CDH2: variants seen among roughly 807,000 people sequenced by gnomAD.
The protein encoded by CDH2 is cadherin-2.
In CDH2, 17 loss-of-function variants were observed where a neutral mutation model predicts 92.0. The observed-to-expected ratio is 0.18, with a 90% CI of 0.13 to 0.28. CDH2 has a LOEUF of 0.28. Ranked by LOEUF, CDH2 falls within the 10% of genes least tolerant of loss-of-function variation. The probability of loss-of-function intolerance (pLI) is 1.00; values close to 1 mark genes in which losing one functional copy is unlikely to be tolerated. For missense variants in CDH2, 862 were observed against 1,133.1 expected (o/e 0.76, Z 3.44); for synonymous variants, 419 against 415.9 (o/e 1.01, Z -0.09).
intron 1 of CDH2, chr18:28,159,077 A>C (rs2016265892): frequency 1.3e-5 from 2 of 152,212 alleles, no homozygotes; most frequent in African/African-American, 4.8e-5. Flanking sequence ...TTTTTTAAGC[A>C]TGTAAAAGAG....
At chr18:28,043,466 AT>A (rs2013993856) in intron 2 of CDH2, among the ~76,000 whole-genome samples, 9 of 82,984 alleles carry the variant, frequency 1.1e-4, no homozygotes, top group South Asian at 6.5e-4. Flanking sequence ...AAATAAATAT[AT>A]ATATATATAT....
intron 15 of CDH2, chr18:27,954,412 T>C (rs1391616329): frequency 6.6e-6 from 1 of 152,264 alleles, no homozygotes; most frequent in African/African-American, 2.4e-5. Context: ...GCTGTCTGAC[T>C]GGCTTTGGCC....
intron 1 of CDH2, among the ~76,000 whole-genome samples, 200 bp downstream of exon 1, chr18:28,176,763 T>C (rs1377756430): frequency 6.6e-6 from 1 of 151,556 alleles, no homozygotes; most frequent in African/African-American, 2.4e-5. Flanking sequence ...AGAGACCTAC[T>C]GGCCCCGGCA....
chr18:28,043,934 T>A (rs1162389155), intron 2 of CDH2, among the ~76,000 whole-genome samples: 1 of 126,372 alleles, frequency 7.9e-6, no homozygotes, highest in Non-Finnish European at 1.6e-5. Flanking sequence ...GGAGACAGAG[T>A]ACTTCTCTTG....
chr18:28,044,928 T>A (rs2014043542), intron 2 of CDH2, among the ~76,000 whole-genome samples: 1 of 152,060 alleles, frequency 6.6e-6, no homozygotes, highest in Admixed American at 6.6e-5. Context: ...AGATTCATTA[T>A]ATTTCATTAT....
At chr18:28,045,842 A>G (rs2014064239) in intron 2 of CDH2, among the ~76,000 whole-genome samples, 1 of 152,218 alleles carries the variant, frequency 6.6e-6, no homozygotes, top group South Asian at 2.1e-4. Flanking sequence ...CTGCTGAATG[A>G]ATAAAGGTAG....
chr18:28,072,064 C>T (rs550015096), intron 2 of CDH2, among the ~76,000 whole-genome samples: 1 of 152,232 alleles, frequency 6.6e-6, no homozygotes, highest in African/African-American at 2.4e-5. Flanking sequence ...CAATGTTTGA[C>T]AGAGAATCAC....
chr18:27,981,732 A>G (rs544569239), intron 14 of CDH2, among the ~76,000 whole-genome samples: 30 of 152,336 alleles, frequency 2.0e-4, no homozygotes, highest in African/African-American at 7.0e-4. Flanking sequence ...AAATATGTTC[A>G]TGAAAATTTG....
intron 1 of CDH2, among the ~76,000 whole-genome samples, chr18:28,168,286 C>G (rs1044579858): frequency 2.0e-5 from 3 of 152,092 alleles, no homozygotes; most frequent in African/African-American, 7.2e-5. Flanking sequence ...CTCAGTTACA[C>G]TACAGAATAT....
chr18:28,006,454 A>C (rs2012920344), intron 5 of CDH2, among the ~76,000 whole-genome samples: 1 of 152,146 alleles, frequency 6.6e-6, no homozygotes, highest in Admixed American at 6.5e-5. Flanking sequence ...ACGGTGGCTC[A>C]CGCCTGTAAT....
rs2012464081 is a variant in CDH2, at chr18:27,992,810, C to CTA, written c.1187_1188dup (p.Asp397Ter). ...ACAGTTAGATTAGCTACTATGATGT[C>CTA]TACCCTGTTCTCAGGAACTTCACCA... is the stretch of plus-strand genomic sequence containing the variant. On this transcript the variant is annotated frameshift_variant, in exon 9 of 16. Transcript: ENST00000269141. LOFTEE classifies it high-confidence loss of function. 1 of 1,613,558 alleles carries CTA rather than the reference C, an allele frequency of 6.2e-7. No homozygotes were observed. The highest frequency in any genetic ancestry group is 1.3e-5 in the African/African-American group (1 of 74,930).
At chr18:28,173,187 T>C (rs1389320468) in intron 1 of CDH2, among the ~76,000 whole-genome samples, 1 of 152,134 alleles carries the variant, frequency 6.6e-6, no homozygotes, top group African/African-American at 2.4e-5. Flanking sequence ...TTGATGAAAG[T>C]ATAAAAGTCA....
chr18:28,130,096 A>G (rs2015741489), intron 2 of CDH2, among the ~76,000 whole-genome samples: 1 of 152,220 alleles, frequency 6.6e-6, no homozygotes, highest in South Asian at 2.1e-4. Flanking sequence ...TGTAGAGCAT[A>G]AAGAAACTAA....
intron 2 of CDH2, among the ~76,000 whole-genome samples, chr18:28,014,599 T>C (rs1385052442): frequency 6.6e-6 from 1 of 152,106 alleles, no homozygotes; most frequent in African/African-American, 2.4e-5. Context: ...CAGTAACATA[T>C]TTAAAAAATT....
At chr18:27,981,118 A>G (rs1304696432) in intron 14 of CDH2, among the ~76,000 whole-genome samples, 1 of 152,128 alleles carries the variant, frequency 6.6e-6, no homozygotes, top group Admixed American at 6.6e-5. Flanking sequence ...CTGAGCCTCC[A>G]ATTTTGGGCA....
intron 14 of CDH2, among the ~76,000 whole-genome samples, chr18:27,965,676 T>C (rs11083240): frequency 0.03 from 4,531 of 152,264 alleles, 99 homozygotes; most frequent in African/African-American, 0.05. Context: ...ATGCAACAGA[T>C]GTGAAAGTCC....
intron 1 of CDH2, among the ~76,000 whole-genome samples, chr18:28,152,997 G>A (rs758783101): frequency 6.6e-6 from 1 of 152,170 alleles, no homozygotes; most frequent in Non-Finnish European, 1.5e-5. Context: ...GAACACGGGT[G>A]CCACAAGTAG....
chr18:28,167,054 G>A (rs561347266), intron 1 of CDH2, among the ~76,000 whole-genome samples: 2 of 152,188 alleles, frequency 1.3e-5, no homozygotes, highest in African/African-American at 4.8e-5. Context: ...ACTGGGTAAA[G>A]CCTTGTTGAA....
intron 2 of CDH2, among the ~76,000 whole-genome samples, chr18:28,065,692 T>C (rs1215765010): frequency 6.6e-6 from 1 of 152,178 alleles, no homozygotes; most frequent in African/African-American, 2.4e-5. Flanking sequence ...TCATCCCTTT[T>C]TTCCTCTCTC....
Sources: gnomAD v4.1 joint callset for allele counts (sites outside exome capture counted in the v4.1 genomes callset) on GRCh38, gnomAD v4.1.1 for gene constraint, MANE v1.5 for transcripts, NCBI Gene and HGNC (gene_info 2026-07-23, HGNC 2026-07-21) for gene names.